FMN2: variants seen among roughly 807,000 people sequenced by gnomAD.
FMN2 encodes formin 2, also known as formin-2.
In FMN2, 51 loss-of-function variants were observed where a neutral mutation model predicts 142.3. The ratio of observed to expected loss-of-function variants is 0.36; its 90% CI spans 0.29 to 0.45. The LOEUF is 0.45. Ranked by LOEUF, FMN2 falls within the 20% of genes least tolerant of loss-of-function variation. The pLI is 1.00. For missense variants in FMN2, 1,936 were observed against 2,122.8 expected (o/e 0.91, Z 1.73); for synonymous variants, 882 against 869.8 (o/e 1.01, Z -0.25).
intron 6 of FMN2, among the ~76,000 whole-genome samples, chr1:240,225,302 T>A (rs916801855): frequency 2.0e-5 from 3 of 152,178 alleles, no homozygotes; most frequent in Non-Finnish European, 2.9e-5. Flanking sequence ...TCCCTGAATG[T>A]GATAGCAGAC....
At chr1:240,188,047 G>A (rs889422888) in intron 3 of FMN2, among the ~76,000 whole-genome samples, 160 bp from the exon 4 acceptor site, 2 of 152,144 alleles carry the variant, frequency 1.3e-5, no homozygotes, top group Non-Finnish European at 2.9e-5. Context: ...TTGAAAAGTA[G>A]TCATATCCTA....
intron 14 of FMN2, among the ~76,000 whole-genome samples, chr1:240,371,793 A>G (rs964504100): frequency 6.6e-6 from 1 of 152,182 alleles, no homozygotes; most frequent in Admixed American, 6.5e-5. Flanking sequence ...TGTTTGTTGT[A>G]CGTTGTCTAT....
intron 1 of FMN2, among the ~76,000 whole-genome samples, chr1:240,119,049 G>A (rs753360222): frequency 1.3e-5 from 2 of 151,474 alleles, no homozygotes; most frequent in African/African-American, 2.4e-5. Context: ...CCTCCACCTG[G>A]CCGGGCGTGG....
rs763690461 is a variant in FMN2 at position 240,207,506 on chromosome 1, ACCT to A, written c.2702_2704del (p.Pro901del). 5.0e-6 allele frequency: 8 copies of A among 1,609,244 alleles called. No homozygotes were observed. The highest frequency in any genetic ancestry group is 2.2e-5 in the South Asian group (2 of 90,746). ...CTCTGCCCAGTACAGCCATTCCCCAACCTCCTCCTCTGCAGGGTACAGAAATGC... is the reference window on the plus strand; with the variant it reads ...CTCTGCCCAGTACAGCCATTCCCCAACCTCCTCTGCAGGGTACAGAAATGC... On this transcript the variant is annotated inframe_deletion, in exon 5 of 18. Coordinates refer to ENST00000319653, the MANE Select transcript of FMN2 (RefSeq NM_020066.5).
At chr1:240,362,756 T>C (rs1379530377) in intron 14 of FMN2, among the ~76,000 whole-genome samples, 1 of 152,150 alleles carries the variant, frequency 6.6e-6, no homozygotes, top group Non-Finnish European at 1.5e-5. Flanking sequence ...TAAGCTCAAC[T>C]GTTTTTTTGG....
intron 15 of FMN2, among the ~76,000 whole-genome samples, chr1:240,427,291 C>T (rs1265250527): frequency 1.1e-4 from 17 of 151,780 alleles, no homozygotes; most frequent in African/African-American, 2.9e-4. Flanking sequence ...CTGCAAGCTC[C>T]GCCTCCTGGG....
chr1:240,236,877 A>G (rs1444635752), intron 6 of FMN2, among the ~76,000 whole-genome samples: 1 of 152,190 alleles, frequency 6.6e-6, no homozygotes, highest in Admixed American at 6.5e-5. Context: ...TATATCAGCC[A>G]TATAAAAATT....
chr1:240,150,865 C>T (rs1408186349), intron 2 of FMN2, among the ~76,000 whole-genome samples: 4 of 152,118 alleles, frequency 2.6e-5, no homozygotes, highest in Non-Finnish European at 2.9e-5. Context: ...GCAGAAGTCC[C>T]TAAATGTATT....
At chr1:240,143,787 T>C in intron 2 of FMN2, 1 of 1,512,260 alleles carries the variant, frequency 6.6e-7, no homozygotes, top group East Asian at 2.3e-5. Flanking sequence ...ACATCTCCAT[T>C]GCAGGACCCC....
intron 7 of FMN2, among the ~76,000 whole-genome samples, chr1:240,270,836 G>C (rs1042369427): frequency 6.6e-6 from 1 of 151,802 alleles, no homozygotes; most frequent in Admixed American, 6.6e-5. Context: ...AGAGGCTGAG[G>C]GGACAGGATG....
At chr1:240,408,075 G>A (rs564718237) in intron 15 of FMN2, among the ~76,000 whole-genome samples, 4 of 152,042 alleles carry the variant, frequency 2.6e-5, no homozygotes, top group Admixed American at 6.5e-5. Flanking sequence ...ATTTTTAAAT[G>A]GTATGAAAAT....
Position 240,336,582 on chromosome 1 carries a change from A to AAAAAAAG in FMN2, c.4765+2353_4765+2354insAAAAAAG, listed in dbSNP as rs144682452. On this transcript the variant is annotated intron_variant, in intron 13 of 17. Coordinates refer to ENST00000319653, the MANE Select transcript of FMN2 (RefSeq NM_020066.5). ...AAAAAAAAAAAAAAAAAAAAAAAAA[A>AAAAAAAG]GGTGGTTGCAATTGTTTTCCCATTT... Among the ~76,000 whole-genome samples, 336 of 101,860 alleles carry AAAAAAAG rather than the reference A, an allele frequency of 3.3e-3. 68 individuals are homozygous for AAAAAAAG. The highest frequency in any genetic ancestry group is 0.015 in the Middle Eastern group (2 of 134). The allele number at this position is 101,860 out of a possible 152,430, so 66.8% of individuals were successfully genotyped here.
chr1:240,354,929 T>C (rs1672214595), intron 13 of FMN2, among the ~76,000 whole-genome samples: 1 of 152,188 alleles, frequency 6.6e-6, no homozygotes. Context: ...TTTTCATTGT[T>C]GAATTACTTC....
chr1:240,278,120 G>A (rs1669279508), intron 7 of FMN2, among the ~76,000 whole-genome samples: 1 of 152,088 alleles, frequency 6.6e-6, no homozygotes, highest in African/African-American at 2.4e-5. Flanking sequence ...ATATATTAAT[G>A]CTTCTTGCTA....
At chr1:240,240,245 T>C (rs1667847253) in intron 6 of FMN2, among the ~76,000 whole-genome samples, 1 of 152,170 alleles carries the variant, frequency 6.6e-6, no homozygotes, top group African/African-American at 2.4e-5. Context: ...GCTCATTTCC[T>C]AGCTCTGCCA....
In FMN2 at chr1:240,474,157, A is replaced by C; in HGVS notation, c.*3A>C. The stretch of plus-strand genomic sequence containing the variant: ...CAAAGATAAGCATGAAAACTTGAAC[A>C]ATGAAAAGCAGAATGAAAATGAGTC... On this transcript the variant is annotated 3_prime_UTR_variant, in exon 18 of 18. Coordinates refer to ENST00000319653, the MANE Select transcript of FMN2 (RefSeq NM_020066.5). 1 of 1,551,952 alleles carries C rather than the reference A, an allele frequency of 6.4e-7. No homozygotes were observed.
chr1:240,143,926 C>A, intron 2 of FMN2: 2 of 1,518,912 alleles, frequency 1.3e-6, no homozygotes, highest in South Asian at 1.1e-5. Flanking sequence ...CCAAGCCTAG[C>A]CCAAAGATGG....
chr1:240,184,239 T>TTTTTTG (rs1665281147), intron 3 of FMN2, among the ~76,000 whole-genome samples: 6 of 127,102 alleles, frequency 4.7e-5, no homozygotes, highest in Non-Finnish European at 3.3e-5. Context: ...ATTTAACCTT[T>TTTTTTG]TTTTTTTTTT....
At chr1:240,261,662 T>C (rs569827153) in intron 7 of FMN2, among the ~76,000 whole-genome samples, 4 of 152,176 alleles carry the variant, frequency 2.6e-5, no homozygotes, top group African/African-American at 9.7e-5. Context: ...CAATAATAGA[T>C]GTGGAGCATT....
Sources: gnomAD v4.1 joint callset for allele counts (sites outside exome capture counted in the v4.1 genomes callset) on GRCh38, gnomAD v4.1.1 for gene constraint, MANE v1.5 for transcripts, NCBI Gene and HGNC (gene_info 2026-07-23, HGNC 2026-07-21) for gene names.